The following NDRG3 variants were observed in gnomAD, a reference collection of about 807,000 sequenced individuals.
NDRG3 encodes NDRG family member 3.
In NDRG3, 23 loss-of-function variants were observed where a neutral mutation model predicts 57.2. The ratio of observed to expected loss-of-function variants is 0.40; its 90% CI spans 0.29 to 0.57. The LOEUF is 0.57. NDRG3 is among the 20% of genes least tolerant of loss of function. The probability of loss-of-function intolerance (pLI) is 0.42; values close to 1 mark genes in which losing one functional copy is unlikely to be tolerated. For missense variants in NDRG3, 384 were observed against 457.3 expected (o/e 0.84, Z 1.46); for synonymous variants, 132 against 162.6 (o/e 0.81, Z 1.43).
At chr20:36,667,791 T>A (rs547891159) in intron 9 of NDRG3, among the ~76,000 whole-genome samples, 4 of 152,150 alleles carry the variant, frequency 2.6e-5, no homozygotes, top group Non-Finnish European at 4.4e-5. Flanking sequence ...AAAAAATTTC[T>A]TCACATTTTC....
At chr20:36,710,079 G>A (rs1385517100) in intron 2 of NDRG3, among the ~76,000 whole-genome samples, 3 of 152,148 alleles carry the variant, frequency 2.0e-5, no homozygotes, top group Admixed American at 6.5e-5. Flanking sequence ...TATCACTTTG[G>A]GAGGCTGAGG....
Position 36,680,892 on chromosome 20 carries a change from G to C in NDRG3, c.455C>G (p.Pro152Arg). The C allele has an allele frequency of 6.2e-7, 1 of 1,613,854 alleles. No homozygotes were observed. The part of the protein sequence containing the change: ...YILSRFALNH[P>R]ELVEGLVLIN... Reference sequence around the variant, plus strand: ...GAGCACAAGGCCTTCCACAAGCTCTGGATGGTTGAGCTGAAAGATGAGGCA... The same window carrying C: ...GAGCACAAGGCCTTCCACAAGCTCTCGATGGTTGAGCTGAAAGATGAGGCA... The change falls in exon 8 of 16, where the codon CCA becomes CGA. Residue 152 changes from proline to arginine, a missense_variant. Physicochemically the swap from Pro to Arg is moderately radical, Grantham distance 103. Coordinates refer to ENST00000349004, the MANE Select transcript of NDRG3 (RefSeq NM_032013.4).
chr20:36,729,150 G>A (rs1308683931), intron 1 of NDRG3, among the ~76,000 whole-genome samples: 1 of 152,126 alleles, frequency 6.6e-6, no homozygotes, highest in African/African-American at 2.4e-5. Flanking sequence ...ACCTCCTTGA[G>A]GTAAGAGAAG....
At chr20:36,686,515 G>A (rs1981794231) in intron 5 of NDRG3, among the ~76,000 whole-genome samples, 1 of 152,184 alleles carries the variant, frequency 6.6e-6, no homozygotes, top group Non-Finnish European at 1.5e-5. Flanking sequence ...ACTGGCCAAA[G>A]GCAGCTCTGG....
chr20:36,728,913 G>T (rs1281140256), intron 1 of NDRG3, among the ~76,000 whole-genome samples: 1 of 152,032 alleles, frequency 6.6e-6, no homozygotes, highest in Admixed American at 6.6e-5. Flanking sequence ...GTAGAGACAA[G>T]GTTTCACCAT....
At chr20:36,673,775 C>T (rs1980394216) in intron 8 of NDRG3, among the ~76,000 whole-genome samples, 1 of 152,012 alleles carries the variant, frequency 6.6e-6, no homozygotes, top group Non-Finnish European at 1.5e-5. Context: ...AGTAATGATA[C>T]CAATGGATTG....
chr20:36,734,002 G>A (rs889697793), intron 1 of NDRG3, among the ~76,000 whole-genome samples: 3 of 152,188 alleles, frequency 2.0e-5, no homozygotes, highest in Non-Finnish European at 2.9e-5. Context: ...TGATGGCACC[G>A]TGAGCTAAAA....
rs1405375132 is a variant in NDRG3 at position 36,652,621 on chromosome 20, A to G, written c.*899T>C. The G allele has an allele frequency of 6.6e-6, 1 of 151,228 alleles. No homozygotes were observed. Among genetic ancestry groups the G allele is most frequent in the Non-Finnish European group, 1.5e-5 (1 of 67,914 alleles). 9.4% of individuals were successfully genotyped at this position (151,228 alleles called of 1,614,324 possible). A position where few individuals can be genotyped will look rare whatever the true frequency, so the allele number is the denominator to read the frequency against. ...GAGGAATGGAGACACACTCTCTGTC[A>G]CAGACCTAAGAGGCACTTCTTGTGG... is the stretch of plus-strand genomic sequence containing the variant. On this transcript the variant is annotated 3_prime_UTR_variant, in exon 16 of 16. Coordinates refer to ENST00000349004, the MANE Select transcript of NDRG3 (RefSeq NM_032013.4).
chr20:36,677,566 C>A (rs889609872), intron 8 of NDRG3, among the ~76,000 whole-genome samples: 1 of 152,208 alleles, frequency 6.6e-6, no homozygotes, highest in African/African-American at 2.4e-5. Flanking sequence ...ATACACTCTC[C>A]ACTGAGCGCT....
intron 1 of NDRG3, among the ~76,000 whole-genome samples, chr20:36,737,963 CT>C (rs759532789): frequency 2.6e-5 from 4 of 151,084 alleles, no homozygotes; most frequent in Non-Finnish European, 5.9e-5. Context: ...ACTCAGGAGG[CT>C]GAGGCATGAG....
At chr20:36,665,486 TG>T (rs1979550181) in intron 10 of NDRG3, among the ~76,000 whole-genome samples, 185 bp from the exon 11 acceptor site, 3 of 152,172 alleles carry the variant, frequency 2.0e-5, no homozygotes, top group Admixed American at 2.0e-4. Context: ...CTGGGTGGTA[TG>T]GAGCAGGAAG....
At position 36,680,851 on chromosome 20, in the gene NDRG3, A is replaced by G. The variant is rs762087941; in HGVS notation, c.496T>C (p.Cys166Arg). 1.2e-6 allele frequency: 2 copies of G among 1,614,014 alleles called. No homozygotes were observed. The highest frequency in any genetic ancestry group is 2.7e-5 in the African/African-American group (2 of 74,932). Residue 166 changes from cysteine to arginine, a missense_variant, in exon 8 of 16, where the codon TGC becomes CGC. Physicochemically the swap from Cys to Arg is radical, Grantham distance 180. Transcript: ENST00000349004. ...GCCCAGTCAATCCAGCCTTTAGCGC[A>G]AGGGTCAACATTAATGAGCACAAGG... ...EGLVLINVDP[C>R]AKGWIDWAAS...
intron 5 of NDRG3, among the ~76,000 whole-genome samples, chr20:36,685,250 T>C (rs1302141155): frequency 6.6e-6 from 1 of 152,056 alleles, no homozygotes; most frequent in Non-Finnish European, 1.5e-5. Context: ...GAATGCTTAT[T>C]TGTTTCACTT....
chr20:36,680,417 G>A (rs564137158), intron 8 of NDRG3, among the ~76,000 whole-genome samples: 126 of 151,340 alleles, frequency 8.3e-4, no homozygotes, highest in Non-Finnish European at 1.5e-3. Context: ...ACCGGGAGGT[G>A]GAGGTTGCAG....
intron 2 of NDRG3, among the ~76,000 whole-genome samples, chr20:36,708,038 C>T (rs1323475177): frequency 2.0e-5 from 3 of 151,384 alleles, no homozygotes; most frequent in Admixed American, 6.6e-5. Context: ...GAGCTGAGAT[C>T]GCACCACTGT....
intron 1 of NDRG3, among the ~76,000 whole-genome samples, chr20:36,734,611 T>A (rs1985514562): frequency 6.6e-6 from 1 of 152,130 alleles, no homozygotes; most frequent in African/African-American, 2.4e-5. Flanking sequence ...ACATAGAAGC[T>A]TATGAACTGG....
At chr20:36,705,127 C>T (rs568446448) in intron 3 of NDRG3, among the ~76,000 whole-genome samples, 4 of 151,608 alleles carry the variant, frequency 2.6e-5, no homozygotes, top group Non-Finnish European at 5.9e-5. Context: ...CGAGACCATC[C>T]TGACCAACAT....
intron 8 of NDRG3, among the ~76,000 whole-genome samples, chr20:36,677,890 C>G (rs1210119714): frequency 1.3e-5 from 2 of 152,164 alleles, no homozygotes; most frequent in African/African-American, 4.8e-5. Context: ...CAAATCAACA[C>G]CCCAGAGATC....
intron 6 of NDRG3, 59 bp from the exon 7 acceptor site, chr20:36,682,637 A>G: frequency 7.0e-7 from 1 of 1,423,650 alleles, no homozygotes; most frequent in Admixed American, 1.7e-5. Context: ...GCAGCATTGC[A>G]TAATTGAAAG....
Sources: allele counts gnomAD v4.1 joint callset (sites outside exome capture counted in the v4.1 genomes callset), GRCh38; gene constraint gnomAD v4.1.1; transcripts MANE v1.5; gene names NCBI Gene and HGNC (gene_info 2026-07-23, HGNC 2026-07-21).